Variants in ZNF512 observed in about 807,000 individuals in gnomAD.
ZNF512 encodes zinc finger protein 512.
A neutral mutation model predicts 77.5 loss-of-function variants in ZNF512; 25 were observed. The observed-to-expected ratio is 0.32, with a 90% confidence interval of 0.23 to 0.45. The LOEUF (loss-of-function observed/expected upper bound fraction) is 0.45, where lower values mean the gene tolerates loss of function less well. Ranked by LOEUF, ZNF512 falls within the 20% of genes least tolerant of loss-of-function variation. The probability of loss-of-function intolerance (pLI) is 1.00; values close to 1 mark genes in which losing one functional copy is unlikely to be tolerated. For synonymous variants in ZNF512, 246 were observed against 239.9 expected, an observed-to-expected ratio of 1.03 and a Z score of -0.24; for missense variants, 483 against 692.6, an observed-to-expected ratio of 0.70 and a Z score of 3.40.
At chr2:27,617,184 A>C in intron 12 of ZNF512, 1 of 278,524 alleles carries the variant, frequency 3.6e-6, no homozygotes, top group Non-Finnish European at 6.9e-6. Context: ...AGTGAAAGGA[A>C]CATAGGAAGG....
chr2:27,586,973 C>A (rs1671356990), intron 2 of ZNF512, among the ~76,000 whole-genome samples: 1 of 152,136 alleles, frequency 6.6e-6, no homozygotes, highest in Admixed American at 6.5e-5. Flanking sequence ...TCTTGATTGA[C>A]ATTTGAGTTA....
chr2:27,607,580 C>G (rs1242561270), intron 9 of ZNF512, among the ~76,000 whole-genome samples: 1 of 152,174 alleles, frequency 6.6e-6, no homozygotes, highest in East Asian at 1.9e-4. Flanking sequence ...GTTAGCCAGG[C>G]TGGTCTCCAA....
At chr2:27,589,038 A>G (rs1380958274) in intron 2 of ZNF512, among the ~76,000 whole-genome samples, 3 of 152,178 alleles carry the variant, frequency 2.0e-5, no homozygotes, top group Admixed American at 6.5e-5. Context: ...GTATATAAGT[A>G]TTCAGTTGAC....
intron 13 of ZNF512, among the ~76,000 whole-genome samples, chr2:27,618,256 A>G (rs540024059): frequency 2.2e-4 from 34 of 152,286 alleles, no homozygotes; most frequent in African/African-American, 8.2e-4. Flanking sequence ...AATTAAGTCA[A>G]ATGTTTGGGA....
intron 13 of ZNF512, among the ~76,000 whole-genome samples, chr2:27,620,845 G>A (rs989147707): frequency 6.6e-6 from 1 of 152,152 alleles, no homozygotes; most frequent in Non-Finnish European, 1.5e-5. Flanking sequence ...CTATGGCTCA[G>A]TGTGTTACAT....
intron 10 of ZNF512, among the ~76,000 whole-genome samples, chr2:27,610,090 C>T (rs557322919): frequency 1.3e-4 from 20 of 151,460 alleles, no homozygotes; most frequent in Non-Finnish European, 1.9e-4. Flanking sequence ...TGTTGCCGGG[C>T]GTGGTGGCTC....
At chr2:27,610,532 ATATATGTGTGTG>A (rs1258956838) in intron 10 of ZNF512, among the ~76,000 whole-genome samples, 2 of 85,664 alleles carry the variant, frequency 2.3e-5, no homozygotes, top group East Asian at 4.3e-4. Context: ...GTGTGTGTAT[ATATATGTGTGTG>A]TATATATATA....
At chr2:27,583,496 G>C in intron 1 of ZNF512, 162 bp from the exon 2 acceptor site, 2 of 1,488,808 alleles carry the variant, frequency 1.3e-6, no homozygotes, top group East Asian at 4.9e-5. Context: ...TTGCACTGCT[G>C]GAAGATAGGA....
Position 27,617,672 on chromosome 2 carries a change from A to C in ZNF512, c.1395+101A>C, listed in dbSNP as rs4666001. ...TAAGGCTGTCAAGGAAAGTATCTCT[A>C]AAGTGGTTACCAGAGCCATTAGAGT... On this transcript the variant is annotated intron_variant, in intron 13 of 13. Coordinates refer to ENST00000355467, the MANE Select transcript of ZNF512 (RefSeq NM_032434.4). The C allele has an allele frequency of 2.5e-5, 17 of 675,962 alleles. 1 individual carries two copies. The South Asian group carries it at 3.0e-4, about 12-fold the overall frequency. The allele number at this position is 675,962 out of a possible 1,614,324, so 41.9% of individuals were successfully genotyped here.
intron 9 of ZNF512, 147 bp from the exon 10 acceptor site, chr2:27,607,698 C>T (rs868544476): frequency 1.4e-5 from 10 of 740,424 alleles, no homozygotes; most frequent in Middle Eastern, 7.9e-4. Flanking sequence ...GTAAAATATA[C>T]ATTAATATGG....
At chr2:27,607,582 G>T (rs1299476822) in intron 9 of ZNF512, among the ~76,000 whole-genome samples, 1 of 152,108 alleles carries the variant, frequency 6.6e-6, no homozygotes, top group East Asian at 1.9e-4. Flanking sequence ...TAGCCAGGCT[G>T]GTCTCCAACT....
intron 4 of ZNF512, 71 bp downstream of exon 4, chr2:27,599,749 A>T: frequency 6.9e-7 from 1 of 1,452,036 alleles, no homozygotes; most frequent in Non-Finnish European, 9.6e-7. Flanking sequence ...TAAAGGAAAG[A>T]GAAGCCTTAG....
chr2:27,621,478 T>G lies in ZNF512; in HGVS notation c.*17T>G, dbSNP rs1482266719. On this transcript the variant is annotated 3_prime_UTR_variant, in exon 14 of 14. Transcript: ENST00000355467. ...AGGAAATAGGCAGTCAGTGTAAAAG[T>G]GCTCCTAGGAAAGCAGATGTGATGC... The G allele has an allele frequency of 6.3e-7, 1 of 1,591,712 alleles. No homozygotes were observed. Among genetic ancestry groups the G allele is most frequent in the Non-Finnish European group, 8.5e-7 (1 of 1,173,446 alleles).
rs896120530 is a variant in ZNF512, at chr2:27,622,325, C to T, written c.*864C>T. On this transcript the variant is annotated 3_prime_UTR_variant, in exon 14 of 14. Coordinates refer to ENST00000355467, the MANE Select transcript of ZNF512 (RefSeq NM_032434.4). ...ATTGCCCCTGATGTTTTGACAGTCT[C>T]CTAGTGCTCCTGGTAGTGCCACTAA... The T allele has an allele frequency of 9.2e-5, 14 of 152,916 alleles. No individual in the cohort carries two copies. The highest frequency in any genetic ancestry group is 2.9e-4 in the African/African-American group (12 of 41,572). The allele number at this position is 152,916 out of a possible 1,614,324, so 9.5% of individuals were successfully genotyped here.
intron 8 of ZNF512, among the ~76,000 whole-genome samples, chr2:27,602,937 G>A (rs2148023783): frequency 6.6e-6 from 1 of 152,274 alleles, no homozygotes; most frequent in African/African-American, 2.4e-5. Context: ...GGCTGACTAA[G>A]CTGATTGAAA....
chr2:27,583,211 G>C, intron 1 of ZNF512, 69 bp downstream of exon 1: 6 of 1,607,344 alleles, frequency 3.7e-6, no homozygotes, highest in East Asian at 2.2e-5. Context: ...GCGGTCCCTC[G>C]CTTTTGTCCC....
rs531536579 is a variant in ZNF512, at chr2:27,603,451, C to T, written c.936+144C>T. ...GCTTGTGTGTTGTCTCTTCTTTATT[C>T]GTTCTTTGTCCTTATTTCTGCCTTT... On this transcript the variant is annotated intron_variant, in intron 9 of 13. Transcript: ENST00000355467. 43 of 839,412 alleles carry T rather than the reference C, an allele frequency of 5.1e-5. No individual in the cohort carries two copies. The South Asian group carries it at 9.4e-4, about 18-fold the overall frequency. 52.0% of individuals were successfully genotyped at this position (839,412 alleles called of 1,614,324 possible).
At chr2:27,607,672 G>T (rs568250713) in intron 9 of ZNF512, among the ~76,000 whole-genome samples, 173 bp from the exon 10 acceptor site, 1 of 152,178 alleles carries the variant, frequency 6.6e-6, no homozygotes, top group East Asian at 1.9e-4. Flanking sequence ...CTGGCCCTAA[G>T]AAGCTTTTTT....
intron 9 of ZNF512, among the ~76,000 whole-genome samples, chr2:27,605,751 C>G (rs1322144026): frequency 6.6e-6 from 1 of 152,140 alleles, no homozygotes; most frequent in African/African-American, 2.4e-5. Context: ...GCTGGGATTA[C>G]AGGCATGAGC....
Sources: allele counts gnomAD v4.1 joint callset (sites outside exome capture counted in the v4.1 genomes callset), GRCh38; gene constraint gnomAD v4.1.1; transcripts MANE v1.5; gene names NCBI Gene and HGNC (gene_info 2026-07-23, HGNC 2026-07-21).